Variants in DYNC2I1 observed in about 807,000 individuals in gnomAD.
The protein encoded by DYNC2I1 is dynein 2 intermediate chain 1, also known as cytoplasmic dynein 2 intermediate chain 1.
In DYNC2I1, 89 loss-of-function variants were observed where a neutral mutation model predicts 133.4. That is an observed-to-expected ratio of 0.67 (90% CI 0.56 to 0.80). The LOEUF is 0.80. DYNC2I1 is among the 30% of genes least tolerant of loss of function. DYNC2I1 has a pLI of 0.00. For missense variants in DYNC2I1, 1,291 were observed against 1,314.5 expected (o/e 0.98, Z 0.28); for synonymous variants, 504 against 484.3 (o/e 1.04, Z -0.54).
chr7:158,927,298 G>A (rs1849720499), intron 20 of DYNC2I1, among the ~76,000 whole-genome samples: 1 of 151,978 alleles, frequency 6.6e-6, no homozygotes. Flanking sequence ...AACTGCTTGG[G>A]AGGCTAAGGT....
In DYNC2I1 at chr7:158,913,079, G is replaced by A. The variant is rs143753088; in HGVS notation, c.1685G>A (p.Ser562Asn). 8.9e-4 allele frequency: 1,429 copies of A among 1,612,986 alleles called. 7 individuals carry two copies. In the African/African-American group the frequency reaches 0.017, roughly 20 times the overall value. Residue 562 changes from serine to asparagine, a missense_variant, in exon 13 of 25, where the codon AGT becomes AAT. Physicochemically the swap from Ser to Asn is conservative, Grantham distance 46 (BLOSUM62 1). Coordinates refer to ENST00000407559, the MANE Select transcript of DYNC2I1 (RefSeq NM_018051.5). ...GTGTGGACCCAGCACCCGGGAGAAA[G>A]TACTGTTGTATCTGGAGGTAACATC... ...REVWTQHPGE[S>N]TVVSGGSEQR...
chr7:158,923,555 T>C lies in DYNC2I1; in HGVS notation c.2095-16T>C. The stretch of plus-strand genomic sequence containing the variant: ...ATATTCTTCTGTCATTGGCTTTCTG[T>C]GCCTTTGTCTTTTAGGTCACGTGTT... On this transcript the variant is annotated splice_polypyrimidine_tract_variant and intron_variant, in intron 16 of 24. Transcript: ENST00000407559. 1 of 1,614,080 alleles carries C rather than the reference T, an allele frequency of 6.2e-7. No individual in the cohort carries two copies. The highest frequency in any genetic ancestry group is 8.5e-7 in the Non-Finnish European group (1 of 1,179,896).
chr7:158,914,105 A>G, intron 13 of DYNC2I1, 128 bp from the exon 14 acceptor site: 81 of 609,964 alleles, frequency 1.3e-4, no homozygotes, highest in Non-Finnish European at 1.8e-4. Context: ...TATAGCTTGA[A>G]GTTTTCTGTC....
chr7:158,903,371 G>A (rs1187530992), intron 10 of DYNC2I1: 1 of 152,084 alleles, frequency 6.6e-6, no homozygotes, highest in Non-Finnish European at 1.5e-5. Context: ...GGGCACTGAG[G>A]ATAAAATAGG....
Position 158,914,250 on chromosome 7 carries a change from AC to A in DYNC2I1, c.1722del (p.Ser575LeufsTer4). 1.2e-6 allele frequency: 2 copies of A among 1,611,552 alleles called. No individual in the cohort carries two copies. Among genetic ancestry groups the A allele is most frequent in the South Asian group, 2.2e-5 (2 of 90,444 alleles). On this transcript the variant is annotated frameshift_variant, in exon 14 of 25. Transcript: ENST00000407559. LOFTEE classifies it high-confidence loss of function. ...VVSGGSEQRD[T>X]SDAVVMPKID... is the part of the protein sequence containing the mutation. ...TTTTTTAGGCAGTGAACAAAGAGATACCTCTGATGCTGTAGTTATGCCAAAG... is the reference window on the plus strand; with the variant it reads ...TTTTTTAGGCAGTGAACAAAGAGATACTCTGATGCTGTAGTTATGCCAAAG...
rs374304510 is a variant in DYNC2I1, at chr7:158,954,314, T to C, written c.*57-2269T>C. Among the ~76,000 whole-genome samples, 9 of 152,318 alleles carry C rather than the reference T, an allele frequency of 5.9e-5. No individual in the cohort carries two copies. In the East Asian group the frequency reaches 1.7e-3, roughly 29 times the overall value. On this transcript the variant is annotated intron_variant and NMD_transcript_variant, in intron 4 of 4. Coordinates refer to the DYNC2I1 transcript ENST00000454771. The stretch of plus-strand genomic sequence containing the variant: ...AATGCACCTATCATGCATCAGATAC[T>C]TATTAAGACCAGGGCATTGTACATA...
intron 4 of DYNC2I1, among the ~76,000 whole-genome samples, chr7:158,953,122 C>T (rs12671070): frequency 0.15 from 22,978 of 151,002 alleles, 2,443 homozygotes; most frequent in East Asian, 0.54. Flanking sequence ...CTACCCTCCT[C>T]GCCCACCTCT....
Position 158,912,970 on chromosome 7 carries a change from A to G in DYNC2I1, c.1591-15A>G, listed in dbSNP as rs1447492005. ...TTGAAACCAATGTTAATTTTGGCATATTTTTGTTTTTAAGGCATATGTTCA... is the reference window on the plus strand; with the variant it reads ...TTGAAACCAATGTTAATTTTGGCATGTTTTTGTTTTTAAGGCATATGTTCA... On this transcript the variant is annotated splice_polypyrimidine_tract_variant and intron_variant, in intron 12 of 24. Coordinates refer to ENST00000407559, the MANE Select transcript of DYNC2I1 (RefSeq NM_018051.5). The G allele has an allele frequency of 6.3e-7, 1 of 1,580,404 alleles. No individual in the cohort carries two copies. Among genetic ancestry groups the G allele is most frequent in the South Asian group, 1.2e-5 (1 of 85,876 alleles).
At position 158,918,056 on chromosome 7, in the gene DYNC2I1, C is replaced by T. The variant is rs569189589; in HGVS notation, c.1792-684C>T. On this transcript the variant is annotated intron_variant, in intron 14 of 24. Coordinates refer to ENST00000407559, the MANE Select transcript of DYNC2I1 (RefSeq NM_018051.5). ...AGCTCTCACTCAACATTTCCTGCCT[C>T]CCGCCCTCCCATATTCTGTCACTTC... 9.9e-5 allele frequency among the ~76,000 whole-genome samples: 15 copies of T among 152,218 alleles called. No homozygotes were observed. The East Asian group carries it at 2.7e-3, about 27-fold the overall frequency.
At chr7:158,917,179 A>C (rs1328402117) in intron 14 of DYNC2I1, among the ~76,000 whole-genome samples, 1 of 142,128 alleles carries the variant, frequency 7.0e-6, no homozygotes, top group Non-Finnish European at 1.5e-5. Flanking sequence ...CGTGGTTGAC[A>C]TTAAGGATGA....
upstream of DYNC2I1, chr7:158,856,486 G>T: frequency 5.2e-6 from 2 of 387,970 alleles, no homozygotes; most frequent in Non-Finnish European, 4.5e-6. Context: ...GGCACGCCGA[G>T]CAGCGACCAC....
chr7:158,873,543 T>C (rs894423473), intron 3 of DYNC2I1, among the ~76,000 whole-genome samples: 34 of 152,232 alleles, frequency 2.2e-4, no homozygotes, highest in African/African-American at 7.7e-4. Flanking sequence ...TGGGGTGGAA[T>C]ATACATGAGG....
intron 21 of DYNC2I1, among the ~76,000 whole-genome samples, chr7:158,930,908 TCCAC>T (rs1337486941): frequency 6.6e-6 from 1 of 152,110 alleles, no homozygotes. Context: ...TCTCAGGTGA[TCCAC>T]CCACCTCAGC....
chr7:158,933,147 C>T (rs1850395016), intron 21 of DYNC2I1, among the ~76,000 whole-genome samples: 1 of 152,140 alleles, frequency 6.6e-6, no homozygotes, highest in Admixed American at 6.5e-5. Context: ...GATAGCATGG[C>T]CACATGCTGA....
At chr7:158,860,382 C>T (rs62475644) in intron 1 of DYNC2I1, among the ~76,000 whole-genome samples, 3,413 of 152,254 alleles carry the variant, frequency 0.022, 60 homozygotes, top group Admixed American at 0.053. Context: ...TTAGTATACA[C>T]CAAGCATTTC....
chr7:158,884,046 A>ATT (rs373885374), intron 5 of DYNC2I1, among the ~76,000 whole-genome samples: 87 of 125,560 alleles, frequency 6.9e-4, no homozygotes, highest in Admixed American at 2.8e-3. Context: ...TTAAAAAACA[A>ATT]TTTTTTTTTT....
intron 23 of DYNC2I1, among the ~76,000 whole-genome samples, chr7:158,941,259 A>G (rs916663028): frequency 5.3e-5 from 8 of 152,230 alleles, no homozygotes; most frequent in Non-Finnish European, 1.2e-4. Flanking sequence ...AGAGAAGTAT[A>G]TAACCATATT....
chr7:158,918,243 G>C (rs1402507820), intron 14 of DYNC2I1, among the ~76,000 whole-genome samples: 1 of 152,138 alleles, frequency 6.6e-6, no homozygotes. Context: ...CTTTCCTTGT[G>C]TTAGTTCTCA....
the DYNC2I1 span, among the ~76,000 whole-genome samples, chr7:158,849,662 C>G: frequency 6.6e-6 from 1 of 152,188 alleles, no homozygotes; most frequent in Non-Finnish European, 1.5e-5. Context: ...TGCAGCTGGT[C>G]GTCCTGATGT....
Sources: gnomAD v4.1 joint callset for allele counts (sites outside exome capture counted in the v4.1 genomes callset) on GRCh38, gnomAD v4.1.1 for gene constraint, MANE v1.5 for transcripts, NCBI Gene and HGNC (gene_info 2026-07-23, HGNC 2026-07-21) for gene names.